The following CFAP47 variants were observed in gnomAD, a reference collection of about 807,000 sequenced individuals.
CFAP47 encodes cilia and flagella associated protein 47, also known as cilia- and flagella-associated protein 47.
A neutral mutation model predicts 148.1 loss-of-function variants in CFAP47; 29 were observed. The observed-to-expected ratio is 0.20, with a 90% confidence interval of 0.15 to 0.27. CFAP47 has a LOEUF of 0.27. Among genes scored for constraint, CFAP47 ranks in the 10% least tolerant of loss-of-function variants. CFAP47 has a pLI of 1.00. For missense variants in CFAP47, 1,872 were observed against 1,697.5 expected (o/e 1.10, Z -1.81); for synonymous variants, 664 against 577.3 (o/e 1.15, Z -2.15).
chrX:35,965,243 A>G (rs1936386153), intron 8 of CFAP47, among the ~76,000 whole-genome samples: 1 of 111,650 alleles, frequency 9.0e-6, no homozygotes, highest in African/African-American at 3.2e-5. Context: ...TAATGATTGG[A>G]TAGAGGTTCC....
At chrX:36,282,017 G>A (rs906400616) in intron 50 of CFAP47, among the ~76,000 whole-genome samples, 11 of 110,181 alleles carry the variant, frequency 1.0e-4, no homozygotes, top group Admixed American at 1.9e-4. Flanking sequence ...ATAAGAGTTC[G>A]TTTGTATTTT....
intron 56 of CFAP47, among the ~76,000 whole-genome samples, chrX:36,317,575 ATT>A (rs782049017): frequency 1.0e-4 from 9 of 88,625 alleles, no homozygotes; most frequent in Admixed American, 1.3e-4. Flanking sequence ...ACACCCAGCT[ATT>A]TTTTTTTTTT....
chrX:36,290,757 G>T (rs952793639), intron 51 of CFAP47, among the ~76,000 whole-genome samples: 5 of 112,327 alleles, frequency 4.5e-5, no homozygotes, highest in African/African-American at 1.6e-4. Context: ...CATCCTTAAG[G>T]CTTTCTAAAT....
intron 57 of CFAP47, among the ~76,000 whole-genome samples, chrX:36,347,510 G>A (rs1320711380): frequency 8.9e-6 from 1 of 111,964 alleles, no homozygotes; most frequent in African/African-American, 3.2e-5. Context: ...TATTCACAAA[G>A]CAAAGTCTTG....
At chrX:36,342,002 AG>A (rs1941657931) in intron 57 of CFAP47, among the ~76,000 whole-genome samples, 1 of 111,235 alleles carries the variant, frequency 9.0e-6, no homozygotes. Flanking sequence ...GGATAAAAAA[AG>A]AAAGAAAAAA....
At chrX:36,018,206 C>T (rs1007645798) in intron 22 of CFAP47, among the ~76,000 whole-genome samples, 1 of 111,661 alleles carries the variant, frequency 9.0e-6, no homozygotes, top group Non-Finnish European at 1.9e-5. Context: ...GTTTTTCTGT[C>T]GATTTTGTAT....
At position 36,236,832 on chromosome X, in the gene CFAP47, T is replaced by C; in HGVS notation, c.7305T>C (p.His2435=). The C allele has an allele frequency of 4.1e-6, 2 of 488,976 alleles. No individual in the cohort carries two copies. The highest frequency in any genetic ancestry group is 3.0e-5 in the South Asian group (1 of 33,546). 40.3% of individuals were successfully genotyped at this position (488,976 alleles called of 1,213,427 possible). A position where few individuals can be genotyped will look rare whatever the true frequency, so the allele number is the denominator to read the frequency against. The stretch of plus-strand genomic sequence containing the variant: ...CACAAAAGCATATAACATTGCCTCA[T>C]TTCACAAATACTGCCCTAACATTTA... ...NVTQKHITLP[H]FTNTALTFKV... is the part of the protein sequence containing the mutation. Residue 2435 remains histidine (H), a synonymous_variant, in exon 48 of 64, where the codon CAT becomes CAC. Transcript: ENST00000378653.
chrX:35,957,167 G>A lies in CFAP47; in HGVS notation c.1410+971G>A, dbSNP rs953233840. Among the ~76,000 whole-genome samples the A allele has an allele frequency of 5.4e-5, 5 of 92,953 alleles. No individual in the cohort carries two copies. In the Admixed American group the frequency reaches 5.4e-4, roughly 10 times the overall value. The allele number at this position is 92,953 out of a possible 115,157, so 80.7% of individuals were successfully genotyped here. On this transcript the variant is annotated intron_variant, in intron 8 of 63. Transcript: ENST00000378653. ...GAGGTTGCAGTGAGCCGAGATCACAGCACTGCACTCCAGCCTGGTGACAGA... is the reference window on the plus strand; with the variant it reads ...GAGGTTGCAGTGAGCCGAGATCACAACACTGCACTCCAGCCTGGTGACAGA...
chrX:36,238,104 G>T (rs920845495), intron 48 of CFAP47, among the ~76,000 whole-genome samples: 20 of 109,947 alleles, frequency 1.8e-4, no homozygotes, highest in Non-Finnish European at 3.6e-4. Flanking sequence ...GATATGGTTT[G>T]GTTGTGTCCC....
chrX:36,156,632 T>TA (rs767068605), intron 37 of CFAP47, among the ~76,000 whole-genome samples: 81 of 109,896 alleles, frequency 7.4e-4, no homozygotes, highest in African/African-American at 2.4e-3. Context: ...GAGGTTTTTT[T>TA]TAAAAAAAAA....
At chrX:36,125,720 G>T in intron 33 of CFAP47, among the ~76,000 whole-genome samples, 1 of 111,657 alleles carries the variant, frequency 9.0e-6, no homozygotes, top group Middle Eastern at 4.7e-3. Flanking sequence ...AACAGTGTTT[G>T]TGATATCATT....
At position 36,239,778 on chromosome X, in the gene CFAP47, G is replaced by A. The variant is rs377510327; in HGVS notation, c.7332+2919G>A. ...TTCCTGGGAAACAAGCAGGCCGCAC[G>A]GATGTTCAAGATTGTGTACATGCCT... On this transcript the variant is annotated intron_variant, in intron 48 of 63. Transcript: ENST00000378653. Among the ~76,000 whole-genome samples the A allele has an allele frequency of 6.3e-5, 7 of 111,549 alleles. No homozygotes were observed. In the East Asian group the frequency reaches 8.5e-4, roughly 14 times the overall value.
intron 2 of CFAP47, among the ~76,000 whole-genome samples, chrX:35,927,184 T>A (rs929406886): frequency 4.5e-5 from 5 of 110,183 alleles, no homozygotes; most frequent in Non-Finnish European, 7.6e-5. Context: ...CCTTTCTTTT[T>A]CATTTCTATA....
intron 26 of CFAP47, among the ~76,000 whole-genome samples, chrX:36,049,474 T>C (rs1194658335): frequency 1.2e-5 from 1 of 84,150 alleles, no homozygotes; most frequent in African/African-American, 4.6e-5. Flanking sequence ...CTCTTCTGCA[T>C]GTATTTCTCT....
At chrX:36,287,301 T>C (rs782759303) in intron 51 of CFAP47, among the ~76,000 whole-genome samples, 1 of 111,719 alleles carries the variant, frequency 9.0e-6, no homozygotes, top group East Asian at 2.8e-4. Context: ...TATATTATAA[T>C]GTAATCCTAA....
At chrX:36,196,091 A>G (rs782485168) in intron 42 of CFAP47, among the ~76,000 whole-genome samples, 66 of 111,869 alleles carry the variant, frequency 5.9e-4, no homozygotes, top group Admixed American at 1.8e-3. Flanking sequence ...TTTTAAGTGC[A>G]GGTATACAAA....
chrX:36,221,151 G>C (rs1402133287), intron 45 of CFAP47, among the ~76,000 whole-genome samples: 1 of 111,696 alleles, frequency 9.0e-6, no homozygotes, highest in Admixed American at 9.5e-5. Context: ...AAAATAATCA[G>C]TAAATGTGGG....
intron 39 of CFAP47, among the ~76,000 whole-genome samples, chrX:36,176,334 G>A (rs1294043698): frequency 8.9e-6 from 1 of 112,198 alleles, no homozygotes; most frequent in Non-Finnish European, 1.9e-5. Flanking sequence ...CAACTGTATG[G>A]TGGTTCTAAT....
At chrX:36,377,784 G>A (rs1406548669) in intron 62 of CFAP47, among the ~76,000 whole-genome samples, 1 of 112,106 alleles carries the variant, frequency 8.9e-6, no homozygotes, top group African/African-American at 3.2e-5. Flanking sequence ...GAACAACAGC[G>A]ATACTGATGA....
Sources: allele counts gnomAD v4.1 joint callset (sites outside exome capture counted in the v4.1 genomes callset), GRCh38; gene constraint gnomAD v4.1.1; transcripts MANE v1.5; gene names NCBI Gene and HGNC (gene_info 2026-07-23, HGNC 2026-07-21).